The following PCDHA11 variants were observed in gnomAD, a reference collection of about 807,000 sequenced individuals.
The protein encoded by PCDHA11 is protocadherin alpha-11.
A neutral mutation model predicts 70.3 loss-of-function variants in PCDHA11; 61 were observed. That is an observed-to-expected ratio of 0.87 (90% confidence interval 0.71 to 1.07). The LOEUF (loss-of-function observed/expected upper bound fraction) is 1.07. Among genes scored for constraint, PCDHA11 ranks in the 50% least tolerant of loss-of-function variants. The pLI, the probability that PCDHA11 is intolerant of heterozygous loss-of-function variation, is 0.00. For synonymous variants in PCDHA11, 633 were observed against 555.1 expected (o/e 1.14, Z -1.97); for missense variants, 1,324 against 1,237.5 (o/e 1.07, Z -1.05).
chr5:140,876,075 C>G, intron 1 of PCDHA11: 1 of 1,613,908 alleles, frequency 6.2e-7, no homozygotes, highest in Non-Finnish European at 8.5e-7. Context: ...AGTTATTGGA[C>G]AGAGAGCAAA....
At chr5:140,967,102 G>T (rs1279026258) in intron 1 of PCDHA11, 1 of 1,612,978 alleles carries the variant, frequency 6.2e-7, no homozygotes, top group African/African-American at 1.3e-5. Context: ...CGCTGTGTGA[G>T]CAGCGGCCTC....
At chr5:140,978,800 TATC>T (rs1193658453) in intron 1 of PCDHA11, 146 bp from the exon 2 acceptor site, 56 of 1,480,550 alleles carry the variant, frequency 3.8e-5, no homozygotes, top group Admixed American at 1.1e-4. Context: ...TATATGTAGA[TATC>T]ATCATAGAGT....
intron 1 of PCDHA11, among the ~76,000 whole-genome samples, chr5:140,921,194 A>T (rs187774850): frequency 1.3e-5 from 2 of 152,046 alleles, no homozygotes; most frequent in Admixed American, 1.3e-4. Context: ...TTCACAATAG[A>T]TTGACAACGA....
Position 140,932,626 on chromosome 5 carries a change from C to T in PCDHA11, c.2392-46323C>T, listed in dbSNP as rs965543719. 1.2e-4 allele frequency among the ~76,000 whole-genome samples: 18 copies of T among 151,670 alleles called. 1 individual carries two copies. The highest frequency in any genetic ancestry group is 8.9e-5 in the Non-Finnish European group (6 of 67,754). On this transcript the variant is annotated intron_variant, in intron 1 of 3. Coordinates refer to ENST00000398640, the MANE Select transcript of PCDHA11 (RefSeq NM_018902.5). ...TTTGACTTTGAAGCTGATAACCACA[C>T]TAAAAAACTTTAGAATGATGAAACT...
chr5:140,890,344 A>G (rs1482265903), intron 1 of PCDHA11, among the ~76,000 whole-genome samples: 1 of 152,196 alleles, frequency 6.6e-6, no homozygotes, highest in Admixed American at 6.5e-5. Context: ...GGGATGGTTT[A>G]CTATATAGCA....
At chr5:140,966,477 T>C in intron 1 of PCDHA11, 1 of 432,754 alleles carries the variant, frequency 2.3e-6, no homozygotes, top group Non-Finnish European at 4.0e-6. Context: ...TTCTGTTTCC[T>C]TTTCCCTCCC....
intron 1 of PCDHA11, among the ~76,000 whole-genome samples, chr5:140,884,904 A>G (rs2060400953): frequency 6.6e-6 from 1 of 152,226 alleles, no homozygotes; most frequent in Non-Finnish European, 1.5e-5. Flanking sequence ...TTTCTGTTGT[A>G]TTCTTAATAG....
At chr5:140,894,042 C>T (rs1180138209) in intron 1 of PCDHA11, among the ~76,000 whole-genome samples, 2 of 152,078 alleles carry the variant, frequency 1.3e-5, no homozygotes, top group African/African-American at 2.4e-5. Context: ...TAATGTAAGT[C>T]CTCTGTTGAA....
intron 1 of PCDHA11, chr5:140,927,159 C>G (rs782468229): frequency 6.2e-7 from 1 of 1,614,046 alleles, no homozygotes; most frequent in Non-Finnish European, 8.5e-7. Context: ...TGTGCAGGGC[C>G]AAAGCTGCCT....
chr5:141,000,365 C>CTG (rs2097904906), intron 3 of PCDHA11, among the ~76,000 whole-genome samples: 2 of 12,832 alleles, frequency 1.6e-4, no homozygotes, highest in Non-Finnish European at 2.6e-4. Flanking sequence ...CTCTCTGTCT[C>CTG]TCTCTCTCTC....
intron 1 of PCDHA11, among the ~76,000 whole-genome samples, chr5:140,886,827 G>GAA (rs782016620): frequency 3.1e-4 from 19 of 60,896 alleles, no homozygotes; most frequent in South Asian, 5.9e-4. Context: ...ACTTCGTCTT[G>GAA]AAAAAAAAAA....
chr5:140,964,305 A>T (rs1163722863), intron 1 of PCDHA11, among the ~76,000 whole-genome samples: 1 of 152,246 alleles, frequency 6.6e-6, no homozygotes, highest in African/African-American at 2.4e-5. Flanking sequence ...AATACCTACA[A>T]GGCCTAAAAC....
intron 1 of PCDHA11, among the ~76,000 whole-genome samples, chr5:140,924,894 C>CAAAA (rs782133089): frequency 2.8e-5 from 2 of 71,514 alleles, no homozygotes; most frequent in Non-Finnish European, 3.2e-5. Flanking sequence ...GAACCTGTCT[C>CAAAA]AAAAAAAAAA....
At chr5:140,988,698 A>AT (rs782470160) in intron 3 of PCDHA11, among the ~76,000 whole-genome samples, 115 of 152,234 alleles carry the variant, frequency 7.6e-4, no homozygotes, top group Middle Eastern at 6.8e-3. Flanking sequence ...GACGCTCTGT[A>AT]TTTTCTTGGA....
chr5:140,966,061 C>T (rs2095963591), intron 1 of PCDHA11, among the ~76,000 whole-genome samples: 1 of 152,222 alleles, frequency 6.6e-6, no homozygotes, highest in Non-Finnish European at 1.5e-5. Flanking sequence ...CCCAGAGCGC[C>T]TCCCCCTGCG....
intron 3 of PCDHA11, chr5:140,988,920 AACAAC>A (rs1245893791): frequency 6.6e-6 from 1 of 152,174 alleles, no homozygotes; most frequent in Non-Finnish European, 1.5e-5. Context: ...AGGAGAATAG[AACAAC>A]ACTGTTCTCT....
chr5:140,872,768 A>C (rs527621278), intron 1 of PCDHA11, among the ~76,000 whole-genome samples: 1 of 152,292 alleles, frequency 6.6e-6, no homozygotes, highest in East Asian at 1.9e-4. Context: ...ATAGGGCTAT[A>C]TTATCTATAA....
rs75040653 is a variant in PCDHA11 at position 140,982,339 on chromosome 5, T to G, written c.2451-136T>G. ...TGCAGGGTGACTGCTCAGCAGTAAT[T>G]GCTTCAGTTCAAGCATGAGCAGAAT... On this transcript the variant is annotated intron_variant, in intron 2 of 3. Transcript: ENST00000398640. The G allele has an allele frequency of 3.1e-3, 4,547 of 1,456,350 alleles. 58 individuals carry two copies. The East Asian group carries it at 0.042, about 14-fold the overall frequency. The allele number at this position is 1,456,350 out of a possible 1,614,324, so 90.2% of individuals were successfully genotyped here.
intron 1 of PCDHA11, among the ~76,000 whole-genome samples, chr5:140,915,190 G>T (rs1317793585): frequency 1.3e-5 from 2 of 151,978 alleles, no homozygotes; most frequent in African/African-American, 4.8e-5. Flanking sequence ...CTAGTGATCC[G>T]CCCATCTTGG....
Sources: gnomAD v4.1 joint callset for allele counts (sites outside exome capture counted in the v4.1 genomes callset) on GRCh38, gnomAD v4.1.1 for gene constraint, MANE v1.5 for transcripts, NCBI Gene and HGNC (gene_info 2026-07-23, HGNC 2026-07-21) for gene names.